The following RANBP9 variants were observed in gnomAD, a reference collection of about 807,000 sequenced individuals.
The protein encoded by RANBP9 is ran-binding protein 9.
In RANBP9, 15 loss-of-function variants were observed where a neutral mutation model predicts 84.3. That is an observed-to-expected ratio of 0.18 (90% confidence interval 0.12 to 0.27). The LOEUF (loss-of-function observed/expected upper bound fraction) is 0.27, where lower values mean the gene tolerates loss of function less well. Among genes scored for constraint, RANBP9 ranks in the 10% least tolerant of loss-of-function variants. The probability of loss-of-function intolerance (pLI) is 1.00; values close to 1 mark genes in which losing one functional copy is unlikely to be tolerated. For synonymous variants in RANBP9, 392 were observed against 349.6 expected (o/e 1.12, Z -1.35); for missense variants, 809 against 912.8 (o/e 0.89, Z 1.46).
intron 8 of RANBP9, among the ~76,000 whole-genome samples, 158 bp from the exon 9 acceptor site, chr6:13,639,911 G>A (rs1765024134): frequency 6.6e-6 from 1 of 152,092 alleles, no homozygotes. Context: ...ATGCTTTAAT[G>A]CTTAGAATTT....
chr6:13,625,314 G>T (rs964380432), intron 13 of RANBP9, among the ~76,000 whole-genome samples: 15 of 152,130 alleles, frequency 9.9e-5, no homozygotes, highest in African/African-American at 3.6e-4. Flanking sequence ...CTCTGGTAGG[G>T]TAGTATTTTG....
At chr6:13,680,755 C>T (rs1237797742) in intron 2 of RANBP9, among the ~76,000 whole-genome samples, 3 of 140,530 alleles carry the variant, frequency 2.1e-5, no homozygotes, top group African/African-American at 8.1e-5. Context: ...GAGTCTGTCT[C>T]GGAAAAAAAA....
intron 8 of RANBP9, 22 bp downstream of exon 8, chr6:13,641,177 G>C (rs149303068): frequency 3.1e-6 from 4 of 1,298,096 alleles, no homozygotes; most frequent in Non-Finnish European, 4.3e-6. Flanking sequence ...AACAAATATA[G>C]CATTTTATTA....
At chr6:13,705,877 A>AAAAC (rs1758101239) in intron 1 of RANBP9, among the ~76,000 whole-genome samples, 1 of 151,616 alleles carries the variant, frequency 6.6e-6, no homozygotes, top group African/African-American at 2.4e-5. Context: ...TCAAAAAAAA[A>AAAAC]AAAAAAAAAG....
At chr6:13,670,667 G>T (rs992080298) in intron 2 of RANBP9, among the ~76,000 whole-genome samples, 1 of 152,072 alleles carries the variant, frequency 6.6e-6, no homozygotes, top group African/African-American at 2.4e-5. Flanking sequence ...GGGCGTGGTG[G>T]TGGGCGCCTG....
intron 1 of RANBP9, among the ~76,000 whole-genome samples, chr6:13,707,917 T>C (rs13215835): frequency 0.027 from 4,080 of 152,328 alleles, 82 homozygotes; most frequent in Non-Finnish European, 0.039. Flanking sequence ...TAAGAGGGGC[T>C]ATCCCTGGGT....
At chr6:13,705,633 G>A (rs1004372476) in intron 1 of RANBP9, among the ~76,000 whole-genome samples, 1 of 151,664 alleles carries the variant, frequency 6.6e-6, no homozygotes, top group Non-Finnish European at 1.5e-5. Context: ...AGGACGAGGC[G>A]CGCAGATCAC....
intron 2 of RANBP9, among the ~76,000 whole-genome samples, chr6:13,678,844 C>T (rs1237072395): frequency 2.6e-5 from 4 of 152,140 alleles, no homozygotes; most frequent in African/African-American, 9.7e-5. Flanking sequence ...GCTACCCAGA[C>T]TTTACCACAC....
In RANBP9 at chr6:13,659,241, CCCACACACACACACAT is replaced by C. The variant is rs1244255498; in HGVS notation, c.684-425_684-410del. Among the ~76,000 whole-genome samples, 60 of 109,000 alleles carry C rather than the reference CCCACACACACACACAT, an allele frequency of 5.5e-4. 1 individual carries two copies. The East Asian group carries it at 5.9e-3, about 11-fold the overall frequency. The allele number at this position is 109,000 out of a possible 152,430, so 71.5% of individuals were successfully genotyped here. Reference sequence around the variant, plus strand: ...CAAGGGACACAGTACAAATTTAGACCCCACACACACACACATACACACACACACACACACACACACA... The same window carrying C: ...CAAGGGACACAGTACAAATTTAGACCACACACACACACACACACACACACA... On this transcript the variant is annotated intron_variant, in intron 2 of 13. Transcript: ENST00000011619.
intron 2 of RANBP9, among the ~76,000 whole-genome samples, chr6:13,685,799 G>C (rs1445875774): frequency 2.6e-5 from 4 of 151,726 alleles, no homozygotes; most frequent in Non-Finnish European, 2.9e-5. Flanking sequence ...GTGGTGGTGT[G>C]CGCCTGTAGT....
At position 13,690,663 on chromosome 6, in the gene RANBP9, A is replaced by C. The variant is rs115685443; in HGVS notation, c.683+6122T>G. ...TTCATAATAAATTATAATTCTAAAA[A>C]CTTTCAAATAAAAATTTTGTTCTCT... On this transcript the variant is annotated intron_variant, in intron 2 of 13. Transcript: ENST00000011619. 7.8e-3 allele frequency among the ~76,000 whole-genome samples: 1,189 copies of C among 152,288 alleles called. 13 individuals are homozygous for C. Among genetic ancestry groups the C allele is most frequent in the African/African-American group, 0.027 (1,109 of 41,554 alleles).
chr6:13,642,010 T>G (rs1310278476), intron 7 of RANBP9, among the ~76,000 whole-genome samples: 1 of 152,178 alleles, frequency 6.6e-6, no homozygotes, highest in Non-Finnish European at 1.5e-5. Flanking sequence ...TGACTTGCCA[T>G]TGTTATACAG....
intron 5 of RANBP9, among the ~76,000 whole-genome samples, chr6:13,650,289 C>T (rs1765267727): frequency 6.6e-6 from 1 of 151,680 alleles, no homozygotes; most frequent in Non-Finnish European, 1.5e-5. Context: ...TTGAAGAGTA[C>T]TTTTGATCGG....
intron 5 of RANBP9, among the ~76,000 whole-genome samples, chr6:13,648,879 TATC>T (rs774306425): frequency 3.3e-5 from 5 of 152,224 alleles, no homozygotes; most frequent in South Asian, 2.1e-4. Flanking sequence ...ACTGTGCAAC[TATC>T]ATAATTTAAT....
intron 2 of RANBP9, among the ~76,000 whole-genome samples, chr6:13,680,231 G>C (rs575717726): frequency 1.2e-3 from 185 of 151,968 alleles, no homozygotes; most frequent in African/African-American, 4.2e-3. Context: ...CCATGTAATG[G>C]AACAGAACAA....
chr6:13,694,335 C>T (rs1293461308), intron 2 of RANBP9, among the ~76,000 whole-genome samples: 1 of 152,138 alleles, frequency 6.6e-6, no homozygotes, highest in Non-Finnish European at 1.5e-5. Context: ...AAGGACTGTT[C>T]TATGAATATA....
intron 2 of RANBP9, among the ~76,000 whole-genome samples, chr6:13,670,732 G>A (rs987114388): frequency 6.6e-6 from 1 of 151,230 alleles, no homozygotes; most frequent in Non-Finnish European, 1.5e-5. Context: ...CCCGGGAGGT[G>A]GAGCTTGCAG....
intron 1 of RANBP9, among the ~76,000 whole-genome samples, chr6:13,699,161 A>G (rs1290936024): frequency 6.6e-6 from 1 of 152,150 alleles, no homozygotes; most frequent in Non-Finnish European, 1.5e-5. Flanking sequence ...CCAGCCCCAA[A>G]TTGGTAGAAA....
At chr6:13,700,207 T>G (rs80195269) in intron 1 of RANBP9, among the ~76,000 whole-genome samples, 214 of 152,286 alleles carry the variant, frequency 1.4e-3, no homozygotes, top group African/African-American at 5.0e-3. Context: ...CTATTCCCAC[T>G]CCCTTCCAGT....
Sources: allele counts gnomAD v4.1 joint callset (sites outside exome capture counted in the v4.1 genomes callset), GRCh38; gene constraint gnomAD v4.1.1; transcripts MANE v1.5; gene names NCBI Gene and HGNC (gene_info 2026-07-23, HGNC 2026-07-21).